Variants in GHR observed in about 807,000 individuals in gnomAD.
The protein encoded by GHR is growth hormone receptor.
Under a neutral mutation model 67.1 loss-of-function variants are expected in GHR, and 35 were observed. The observed-to-expected ratio is 0.52, with a 90% CI of 0.40 to 0.69. The LOEUF (loss-of-function observed/expected upper bound fraction) is 0.69, where lower values mean the gene tolerates loss of function less well. Ranked by LOEUF, GHR falls within the 30% of genes least tolerant of loss-of-function variation. GHR has a pLI of 0.00. For missense variants in GHR, 792 were observed against 764.6 expected (o/e 1.04, Z -0.42); for synonymous variants, 272 against 269.1 (o/e 1.01, Z -0.10).
chr5:42,679,795 A>G (rs969931392), intron 3 of GHR, among the ~76,000 whole-genome samples: 13 of 152,240 alleles, frequency 8.5e-5, no homozygotes, highest in African/African-American at 2.2e-4. Context: ...TTTGAGAATG[A>G]ACACTTTTTA....
chr5:42,468,735 G>T (rs1303880314), intron 1 of GHR: 1 of 996,908 alleles, frequency 1.0e-6, no homozygotes, highest in Non-Finnish European at 1.6e-6. Flanking sequence ...CAGAGACGCC[G>T]CCCCCGCCAG....
At chr5:42,480,178 TC>T (rs1745553010) in intron 1 of GHR, among the ~76,000 whole-genome samples, 1 of 152,248 alleles carries the variant, frequency 6.6e-6, no homozygotes, top group Non-Finnish European at 1.5e-5. Flanking sequence ...TTGTTCAGTT[TC>T]CATGTAGTAG....
Position 42,489,867 on chromosome 5 carries a change from C to T in GHR, c.-12+65912C>T, listed in dbSNP as rs10452460. Reference sequence around the variant, plus strand: ...TCAAAGCAGTGTTGGATATAGCCAGCTGAATAAACTGCCCTTTCTAGTTAA... The same window carrying T: ...TCAAAGCAGTGTTGGATATAGCCAGTTGAATAAACTGCCCTTTCTAGTTAA... On this transcript the variant is annotated intron_variant, in intron 1 of 9. Transcript: ENST00000230882. Among the ~76,000 whole-genome samples the T allele has an allele frequency of 4.5e-3, 689 of 152,182 alleles. 6 individuals are homozygous for T. Among genetic ancestry groups the T allele is most frequent in the African/African-American group, 0.016 (667 of 41,538 alleles).
intron 3 of GHR, among the ~76,000 whole-genome samples, chr5:42,654,800 C>G (rs1259096617): frequency 6.6e-6 from 1 of 152,156 alleles, no homozygotes; most frequent in Non-Finnish European, 1.5e-5. Context: ...ATTTTGCAAG[C>G]ACTGGCATTT....
intron 1 of GHR, among the ~76,000 whole-genome samples, chr5:42,550,840 C>T (rs1030167556): frequency 1.3e-5 from 2 of 152,128 alleles, no homozygotes; most frequent in African/African-American, 4.8e-5. Flanking sequence ...ATTTTGATGT[C>T]GTTGGGACCT....
intron 1 of GHR, among the ~76,000 whole-genome samples, chr5:42,522,806 A>G (rs12519730): frequency 6.6e-6 from 1 of 152,200 alleles, no homozygotes; most frequent in African/African-American, 2.4e-5. Flanking sequence ...GAAAATCTAG[A>G]GATTACTTAC....
intron 8 of GHR, chr5:42,715,056 T>C (rs974366185): frequency 8.0e-6 from 3 of 375,024 alleles, no homozygotes; most frequent in Non-Finnish European, 1.5e-5. Context: ...CAAGAAAACA[T>C]ATTACTTCTA....
intron 3 of GHR, among the ~76,000 whole-genome samples, chr5:42,654,611 A>C (rs1343082970): frequency 6.6e-6 from 1 of 152,146 alleles, no homozygotes; most frequent in Non-Finnish European, 1.5e-5. Context: ...ACCAGACAGC[A>C]CATTCTGCCT....
chr5:42,425,219 G>A (rs1419948406), intron 1 of GHR, among the ~76,000 whole-genome samples: 4 of 152,228 alleles, frequency 2.6e-5, no homozygotes, highest in Non-Finnish European at 4.4e-5. Flanking sequence ...TGTGTAATAT[G>A]TGTGAGTACA....
chr5:42,468,384 A>C lies in GHR; in HGVS notation c.-12+44429A>C, dbSNP rs574691382. ...AGCTGCCCAGCACAGGTCAAACCCC[A>C]TCTAAGCTTTATGTTTCAAAAGCTT... On this transcript the variant is annotated intron_variant, in intron 1 of 9. Coordinates refer to ENST00000230882, the MANE Select transcript of GHR (RefSeq NM_000163.5). 2.4e-6 allele frequency: 3 copies of C among 1,269,714 alleles called. No homozygotes were observed. The African/African-American group carries it at 4.5e-5, about 19-fold the overall frequency. The allele number at this position is 1,269,714 out of a possible 1,614,324, so 78.7% of individuals were successfully genotyped here.
intron 1 of GHR, among the ~76,000 whole-genome samples, chr5:42,426,154 T>C (rs189117625): frequency 3.9e-5 from 6 of 152,344 alleles, no homozygotes; most frequent in Admixed American, 2.0e-4. Context: ...ACCTATGGGA[T>C]TGTCATGTTG....
At chr5:42,557,543 TC>T (rs1749375890) in intron 1 of GHR, among the ~76,000 whole-genome samples, 1 of 152,172 alleles carries the variant, frequency 6.6e-6, no homozygotes, top group Admixed American at 6.5e-5. Context: ...AATTATCTCA[TC>T]TAATCCTGAT....
At chr5:42,671,739 G>A (rs1356623368) in intron 3 of GHR, among the ~76,000 whole-genome samples, 12 of 151,190 alleles carry the variant, frequency 7.9e-5, no homozygotes, top group East Asian at 3.9e-4. Flanking sequence ...GGCGGATCAC[G>A]AGGTCAGGAG....
At chr5:42,599,311 C>T (rs575724354) in intron 2 of GHR, among the ~76,000 whole-genome samples, 18 of 151,490 alleles carry the variant, frequency 1.2e-4, no homozygotes, top group Admixed American at 7.9e-4. Flanking sequence ...AACTGATATC[C>T]GTGAGCCAAA....
intron 3 of GHR, among the ~76,000 whole-genome samples, chr5:42,684,245 T>C (rs942062366): frequency 6.6e-6 from 1 of 152,208 alleles, no homozygotes; most frequent in Non-Finnish European, 1.5e-5. Flanking sequence ...TTCCAGGCAT[T>C]CTACTAAGGA....
intron 6 of GHR, among the ~76,000 whole-genome samples, chr5:42,701,946 T>A (rs915016092): frequency 6.6e-6 from 1 of 152,106 alleles, no homozygotes; most frequent in East Asian, 1.9e-4. Context: ...TGATCAAAAA[T>A]TTTTTTGTAT....
At chr5:42,683,084 C>G (rs1291909505) in intron 3 of GHR, among the ~76,000 whole-genome samples, 3 of 152,130 alleles carry the variant, frequency 2.0e-5, no homozygotes, top group African/African-American at 7.2e-5. Context: ...TCACTGCAAA[C>G]TCCGCTTCCC....
At chr5:42,571,227 G>T (rs1460100312) in intron 2 of GHR, among the ~76,000 whole-genome samples, 4 of 152,218 alleles carry the variant, frequency 2.6e-5, no homozygotes, top group Non-Finnish European at 4.4e-5. Context: ...ACAGCAGAGT[G>T]TCTAAGCTAC....
chr5:42,689,050 C>T lies in GHR; in HGVS notation c.266+31C>T, dbSNP rs1473567655. 4 of 1,598,756 alleles carry T rather than the reference C, an allele frequency of 2.5e-6. No individual in the cohort carries two copies. The East Asian group carries it at 8.9e-5, about 36-fold the overall frequency. ...ACCATCATGCCTTTCTGATTTTCCT[C>T]TCCATGGATGTACCTACTAAAGTAC... On this transcript the variant is annotated intron_variant, in intron 4 of 9. Transcript: ENST00000230882.
Sources: gnomAD v4.1 joint callset for allele counts (sites outside exome capture counted in the v4.1 genomes callset) on GRCh38, gnomAD v4.1.1 for gene constraint, MANE v1.5 for transcripts, NCBI Gene and HGNC (gene_info 2026-07-23, HGNC 2026-07-21) for gene names.